MED16: variants seen among roughly 807,000 people sequenced by gnomAD.
MED16 encodes the protein mediator of RNA polymerase II transcription subunit 16.
Under a neutral mutation model 84.4 loss-of-function variants are expected in MED16, and 81 were observed. That is an observed-to-expected ratio of 0.96 (90% confidence interval 0.80 to 1.15). The LOEUF is 1.15. Among genes scored for constraint, MED16 ranks in the 50% most tolerant of loss-of-function variants. MED16 has a pLI of 0.00. For synonymous variants in MED16, 897 were observed against 552.2 expected (o/e 1.62, Z -8.76); for missense variants, 1,585 against 1,245.9 (o/e 1.27, Z -4.10).
At chr19:872,608 T>G (rs1280934730) in intron 11 of MED16, among the ~76,000 whole-genome samples, 6 of 58,330 alleles carry the variant, frequency 1.0e-4, no homozygotes, top group African/African-American at 3.0e-4. Flanking sequence ...GCCGGGTGGG[T>G]GGGGCAGAAG....
intron 10 of MED16, 85 bp downstream of exon 10, chr19:875,159 A>C: frequency 1.0e-6 from 1 of 960,044 alleles, no homozygotes; most frequent in Non-Finnish European, 1.5e-6. Context: ...GTAAGACCCT[A>C]TCTCAAAAGA....
At chr19:887,692 AAAGCGAGGCTCTGACT>A (rs919506013) in intron 4 of MED16, among the ~76,000 whole-genome samples, 15 of 152,218 alleles carry the variant, frequency 9.9e-5, no homozygotes, top group East Asian at 7.7e-4. Flanking sequence ...GTTATTTTAA[AAAGCGAGGCTCTGACT>A]CAGGCCACAG....
Position 877,229 on chromosome 19 carries a change from C to T in MED16, c.1354-49G>A, listed in dbSNP as rs542817737. 2.5e-5 allele frequency: 39 copies of T among 1,551,250 alleles called. No individual in the cohort carries two copies. In the South Asian group the frequency reaches 4.4e-4, roughly 18 times the overall value. On this transcript the variant is annotated intron_variant, in intron 8 of 15. Coordinates refer to ENST00000325464, the MANE Select transcript of MED16 (RefSeq NM_005481.3). ...GAGCCCGGTGAGATGGGGCTGCGCC[C>T]TCAGCCGGGAGAGGAATGGGGCCCT...
At chr19:868,676 T>C (rs1458564039) in intron 14 of MED16, among the ~76,000 whole-genome samples, 177 bp from the exon 15 acceptor site, 1 of 151,950 alleles carries the variant, frequency 6.6e-6, no homozygotes, top group Non-Finnish European at 1.5e-5. Context: ...GCAATGCTGC[T>C]CCCTGAACTA....
chr19:870,591 G>A (rs778614904), intron 13 of MED16, among the ~76,000 whole-genome samples: 26 of 151,812 alleles, frequency 1.7e-4, no homozygotes, highest in Non-Finnish European at 2.4e-4. Flanking sequence ...AAAGGGAGAG[G>A]GTGAATGGAA....
intron 10 of MED16, 80 bp downstream of exon 10, chr19:875,164 A>C (rs2036199680): frequency 4.8e-6 from 5 of 1,033,600 alleles, no homozygotes; most frequent in Non-Finnish European, 5.4e-6. Context: ...ACCCTATCTC[A>C]AAAGAGTAAA....
Position 871,022 on chromosome 19 carries a change from CAG to C in MED16, c.2315+13_2315+14del. 6.5e-7 allele frequency: 1 copy of C among 1,534,288 alleles called. No homozygotes were observed. The highest frequency in any genetic ancestry group is 8.8e-7 in the Non-Finnish European group (1 of 1,136,082). ...GGAGTCCTGTGTTTGGGGACCAATG[CAG>C]GGACACACGCACCTGGCGAGGCCGT... On this transcript the variant is annotated intron_variant, in intron 13 of 15. Transcript: ENST00000325464.
intron 6 of MED16, among the ~76,000 whole-genome samples, chr19:884,502 G>A (rs560148766): frequency 1.3e-5 from 2 of 152,094 alleles, no homozygotes; most frequent in South Asian, 2.1e-4. Context: ...GGTTCCGGAG[G>A]ATTCCGTGCA....
intron 11 of MED16, 90 bp from the exon 12 acceptor site, chr19:872,208 G>C: frequency 1.9e-6 from 2 of 1,060,394 alleles, no homozygotes; most frequent in Non-Finnish European, 2.7e-6. Flanking sequence ...ACCCCGACCG[G>C]GGGGCAATGG....
chr19:887,620 C>G (rs772577711), intron 4 of MED16, among the ~76,000 whole-genome samples: 1 of 151,934 alleles, frequency 6.6e-6, no homozygotes, highest in Non-Finnish European at 1.5e-5. Flanking sequence ...GAGCCGAGAT[C>G]GCACCACTGC....
At chr19:871,437 G>A (rs1208514689) in intron 12 of MED16, among the ~76,000 whole-genome samples, 184 bp from the exon 13 acceptor site, 1 of 152,104 alleles carries the variant, frequency 6.6e-6, no homozygotes, top group African/African-American at 2.4e-5. Flanking sequence ...GCCTGGCTGG[G>A]TGACCCCAGA....
chr19:868,482 A>C lies in MED16; in HGVS notation c.2417T>G (p.Met806Arg), dbSNP rs967103257. The C allele has an allele frequency of 1.2e-6, 2 of 1,610,836 alleles. No homozygotes were observed. The highest frequency in any genetic ancestry group is 4.5e-5 in the East Asian group (2 of 44,876). ...KACTRCGCVT[M>R]LKSPNRTTAV... ...CGTGGTTCTGTTGGGCGACTTGAGC[A>C]TGGTGACACAGCCGCACCTGCGGGG... The change falls in exon 15 of 16, where the codon ATG (methionine) becomes AGG (arginine). Residue 806 changes from methionine (M) to arginine (R), a missense_variant. By Grantham distance (91) the Met-to-Arg change is moderately conservative. Coordinates refer to ENST00000325464, the MANE Select transcript of MED16 (RefSeq NM_005481.3).
At chr19:889,071 G>A (rs1303255071) in intron 4 of MED16, among the ~76,000 whole-genome samples, 2 of 95,706 alleles carry the variant, frequency 2.1e-5, no homozygotes, top group Non-Finnish European at 4.2e-5. Context: ...CCCTGGCCAC[G>A]CCTACTCTTA....
At chr19:872,935 G>T (rs868396256) in intron 11 of MED16, 1 of 1,028,738 alleles carries the variant, frequency 9.7e-7, no homozygotes, top group Non-Finnish European at 1.2e-6. Context: ...ATGGAGAGGA[G>T]GGCTCCGAGG....
At chr19:873,919 AAC>A (rs1269816233) in intron 10 of MED16, among the ~76,000 whole-genome samples, 1 of 152,070 alleles carries the variant, frequency 6.6e-6, no homozygotes, top group East Asian at 1.9e-4. Flanking sequence ...GAACTCTGTG[AAC>A]ACAGGGGCAT....
chr19:880,907 A>G (rs1158202293), intron 7 of MED16, among the ~76,000 whole-genome samples: 1 of 151,788 alleles, frequency 6.6e-6, no homozygotes, highest in Non-Finnish European at 1.5e-5. Context: ...CCTGGGCAAC[A>G]GAATGAGACT....
intron 4 of MED16, among the ~76,000 whole-genome samples, chr19:888,065 G>A (rs181994783): frequency 1.2e-3 from 176 of 151,998 alleles, no homozygotes; most frequent in Non-Finnish European, 1.8e-3. Context: ...GCAGCCGGGC[G>A]TGGTGGCGGG....
chr19:874,638 T>G (rs990090311), intron 10 of MED16, among the ~76,000 whole-genome samples: 2 of 151,450 alleles, frequency 1.3e-5, no homozygotes, highest in Middle Eastern at 3.4e-3. Flanking sequence ...CCCCCAGGAG[T>G]AGAGAGAGGT....
At chr19:871,277 C>T (rs1334804421) in intron 12 of MED16, 24 bp from the exon 13 acceptor site, 4 of 1,521,086 alleles carry the variant, frequency 2.6e-6, no homozygotes, top group South Asian at 1.2e-5. Context: ...TGGCGGAAGT[C>T]TCAGCACCCC....
Sources: allele counts gnomAD v4.1 joint callset (sites outside exome capture counted in the v4.1 genomes callset), GRCh38; gene constraint gnomAD v4.1.1; transcripts MANE v1.5; gene names NCBI Gene and HGNC (gene_info 2026-07-23, HGNC 2026-07-21).